EXT1: variants seen among roughly 807,000 people sequenced by gnomAD.
EXT1 encodes the protein exostosin-1.
Under a neutral mutation model 82.5 loss-of-function variants are expected in EXT1, and 20 were observed. The ratio of observed to expected loss-of-function variants is 0.24; its 90% CI spans 0.17 to 0.35. EXT1 has a LOEUF of 0.35. Ranked by LOEUF, EXT1 falls within the 10% of genes least tolerant of loss-of-function variation. The probability of loss-of-function intolerance (pLI) is 1.00; values close to 1 mark genes in which losing one functional copy is unlikely to be tolerated. For synonymous variants in EXT1, 348 were observed against 350.8 expected (o/e 0.99, Z 0.09); for missense variants, 757 against 936.5 (o/e 0.81, Z 2.50).
chr8:117,813,976 A>G (rs1811738892), intron 7 of EXT1, among the ~76,000 whole-genome samples: 1 of 151,922 alleles, frequency 6.6e-6, no homozygotes, highest in Non-Finnish European at 1.5e-5. Context: ...ACAGCACTCC[A>G]GCCTGGGTGA....
At chr8:118,056,753 A>G (rs769203503) in intron 1 of EXT1, among the ~76,000 whole-genome samples, 25 of 152,200 alleles carry the variant, frequency 1.6e-4, no homozygotes, top group Non-Finnish European at 2.2e-4. Flanking sequence ...ACATTATCAG[A>G]AGAACGCTTT....
chr8:117,938,408 G>A (rs937014649), intron 1 of EXT1, among the ~76,000 whole-genome samples: 3 of 152,158 alleles, frequency 2.0e-5, no homozygotes, highest in Admixed American at 6.5e-5. Flanking sequence ...GTTGCGGTGA[G>A]CAGAGATCAC....
chr8:117,947,516 G>C (rs1188458221), intron 1 of EXT1, among the ~76,000 whole-genome samples: 1 of 152,190 alleles, frequency 6.6e-6, no homozygotes, highest in African/African-American at 2.4e-5. Flanking sequence ...CTTTCCAAAA[G>C]TTGATGACAC....
chr8:117,949,355 G>A (rs760440934), intron 1 of EXT1, among the ~76,000 whole-genome samples: 2 of 151,802 alleles, frequency 1.3e-5, no homozygotes, highest in Non-Finnish European at 2.9e-5. Flanking sequence ...ACATACTTAT[G>A]GCTTTAGAAA....
At chr8:117,831,824 G>C (rs1167885708) in intron 3 of EXT1, among the ~76,000 whole-genome samples, 9 of 152,178 alleles carry the variant, frequency 5.9e-5, no homozygotes, top group Non-Finnish European at 1.2e-4. Flanking sequence ...AGTAAGAACA[G>C]AAGGAAAAGC....
intron 1 of EXT1, among the ~76,000 whole-genome samples, chr8:117,926,442 T>C (rs1267144981): frequency 6.6e-6 from 1 of 152,194 alleles, no homozygotes; most frequent in East Asian, 1.9e-4. Context: ...TCAGATAAAT[T>C]TCTCCCACTT....
chr8:118,074,574 GA>G (rs34617562), intron 1 of EXT1, among the ~76,000 whole-genome samples: 93 of 132,210 alleles, frequency 7.0e-4, no homozygotes, highest in Admixed American at 2.0e-3. Flanking sequence ...AGAGAAGAGA[GA>G]AAAAAAAAAA....
chr8:117,909,692 T>C lies in EXT1; in HGVS notation c.963-72491A>G, dbSNP rs148079799. On this transcript the variant is annotated intron_variant, in intron 1 of 10. Transcript: ENST00000378204. ...TGGTACATGCATTTGCCATCATTTA[T>C]TGTCATCATTCATTGCCACCATTTC... is the stretch of plus-strand genomic sequence containing the variant. Among the ~76,000 whole-genome samples, 435 of 152,326 alleles carry C rather than the reference T, an allele frequency of 2.9e-3. 2 individuals carry two copies. The highest frequency in any genetic ancestry group is 1.0e-2 in the African/African-American group (415 of 41,566).
chr8:117,967,094 C>T (rs765754291), intron 1 of EXT1, among the ~76,000 whole-genome samples: 4 of 152,162 alleles, frequency 2.6e-5, no homozygotes, highest in East Asian at 1.9e-4. Context: ...TTGGGAAATT[C>T]GGGCTACATC....
intron 1 of EXT1, among the ~76,000 whole-genome samples, chr8:117,954,735 T>C (rs746368430): frequency 6.6e-5 from 10 of 152,174 alleles, no homozygotes; most frequent in African/African-American, 2.2e-4. Flanking sequence ...CCAACTCATA[T>C]GTGGGGGGGA....
chr8:117,901,791 G>A (rs1279978426), intron 1 of EXT1, among the ~76,000 whole-genome samples: 2 of 152,030 alleles, frequency 1.3e-5, no homozygotes, highest in African/African-American at 4.8e-5. Context: ...CGACCTCCCA[G>A]GCTCAGGTGA....
At chr8:117,853,948 T>A (rs1812497351) in intron 1 of EXT1, among the ~76,000 whole-genome samples, 1 of 152,248 alleles carries the variant, frequency 6.6e-6, no homozygotes, top group Admixed American at 6.5e-5. Flanking sequence ...TATGATGAAG[T>A]AGCAGTGAGC....
At chr8:117,914,653 G>T (rs1181117189) in intron 1 of EXT1, among the ~76,000 whole-genome samples, 1 of 152,138 alleles carries the variant, frequency 6.6e-6, no homozygotes, top group African/African-American at 2.4e-5. Context: ...TCTATCTTAT[G>T]CGGTTGAGAT....
chr8:117,872,103 C>T lies in EXT1; in HGVS notation c.963-34902G>A, dbSNP rs140396425. 3.4e-3 allele frequency among the ~76,000 whole-genome samples: 508 copies of T among 148,096 alleles called. 5 individuals carry two copies. The highest frequency in any genetic ancestry group is 0.012 in the African/African-American group (484 of 40,052). ...TGCAGTGAGCTATATCACACCACTA[C>T]ACTGCAGCCTGGGCAACAGAGTGAG... On this transcript the variant is annotated intron_variant, in intron 1 of 10. Coordinates refer to ENST00000378204, the MANE Select transcript of EXT1 (RefSeq NM_000127.3).
At chr8:118,030,283 G>T (rs1005065187) in intron 1 of EXT1, among the ~76,000 whole-genome samples, 1 of 151,334 alleles carries the variant, frequency 6.6e-6, no homozygotes, top group Non-Finnish European at 1.5e-5. Context: ...AGCCTGGGCA[G>T]GGCTGACACA....
chr8:118,035,241 G>T (rs906475924), intron 1 of EXT1, among the ~76,000 whole-genome samples: 2 of 152,032 alleles, frequency 1.3e-5, no homozygotes, highest in African/African-American at 4.8e-5. Context: ...AGCCTCACTC[G>T]CACACAGGAA....
chr8:117,957,969 T>G (rs754512284), intron 1 of EXT1, among the ~76,000 whole-genome samples: 1 of 152,120 alleles, frequency 6.6e-6, no homozygotes, highest in Non-Finnish European at 1.5e-5. Context: ...CTTAACCAAC[T>G]CAAACAATCA....
chr8:118,055,533 G>A (rs542234419), intron 1 of EXT1, among the ~76,000 whole-genome samples: 11 of 152,184 alleles, frequency 7.2e-5, no homozygotes, highest in South Asian at 4.2e-4. Context: ...AATTTTGAAC[G>A]GTTTTTCCAG....
At chr8:117,940,321 A>T (rs1814247213) in intron 1 of EXT1, among the ~76,000 whole-genome samples, 1 of 152,240 alleles carries the variant, frequency 6.6e-6, no homozygotes, top group African/African-American at 2.4e-5. Context: ...AAATGCTGGC[A>T]CAGGGAACCT....
Sources: allele counts gnomAD v4.1 joint callset (sites outside exome capture counted in the v4.1 genomes callset), GRCh38; gene constraint gnomAD v4.1.1; transcripts MANE v1.5; gene names NCBI Gene and HGNC (gene_info 2026-07-23, HGNC 2026-07-21).